INPP5F: variants seen among roughly 807,000 people sequenced by gnomAD.
INPP5F encodes inositol polyphosphate-5-phosphatase F.
A neutral mutation model predicts 137.2 loss-of-function variants in INPP5F; 97 were observed. The ratio of observed to expected loss-of-function variants is 0.71; its 90% confidence interval spans 0.60 to 0.84. INPP5F has a LOEUF of 0.84. INPP5F is among the 40% of genes least tolerant of loss of function. The probability of loss-of-function intolerance (pLI) is 0.00; values close to 1 mark genes in which losing one functional copy is unlikely to be tolerated. For missense variants in INPP5F, 1,271 were observed against 1,371.9 expected, an observed-to-expected ratio of 0.93 and a Z score of 1.16; for synonymous variants, 504 against 476.9, an observed-to-expected ratio of 1.06 and a Z score of -0.74.
chr10:119,824,052 A>T (rs1851669528), intron 19 of INPP5F, 150 bp downstream of exon 19: 1 of 590,542 alleles, frequency 1.7e-6, no homozygotes, highest in Non-Finnish European at 3.0e-6. Flanking sequence ...GCAGATCAAA[A>T]TACTTTCAAC....
At position 119,751,078 on chromosome 10, in the gene INPP5F, A is replaced by G. The variant is rs771641938; in HGVS notation, c.100A>G (p.Thr34Ala). 13 of 1,593,892 alleles carry G rather than the reference A, an allele frequency of 8.2e-6. No individual in the cohort carries two copies. Among genetic ancestry groups the G allele is most frequent in the Middle Eastern group, 1.7e-4 (1 of 6,046 alleles). Residue 34 changes from threonine to alanine, a missense_variant and splice_region_variant, in exon 2 of 20, where the codon ACT becomes GCT. Coordinates refer to ENST00000650623, the MANE Select transcript of INPP5F (RefSeq NM_014937.4). ...RDGGLQLRPA[T>A]DLLLAWNPIC... ...CACTGCTTCCTATTTTATTTTAGCT[A>G]CTGATCTACTTCTTGCCTGGAATCC... is the stretch of plus-strand genomic sequence containing the variant.
Position 119,828,714 on chromosome 10 carries a change from G to A in INPP5F, c.*934G>A, listed in dbSNP as rs1339978398. 6.6e-6 allele frequency: 1 copy of A among 152,288 alleles called. No individual in the cohort carries two copies. The highest frequency in any genetic ancestry group is 1.5e-5 in the Non-Finnish European group (1 of 68,146). 9.4% of individuals were successfully genotyped at this position (152,288 alleles called of 1,614,324 possible). ...TCTCTACAAAAAAATACAAAAATTAGCTGGGCATAGTGGTGCATGCCTGTG... is the reference window on the plus strand; with the variant it reads ...TCTCTACAAAAAAATACAAAAATTAACTGGGCATAGTGGTGCATGCCTGTG... On this transcript the variant is annotated 3_prime_UTR_variant, in exon 20 of 20. Coordinates refer to ENST00000650623, the MANE Select transcript of INPP5F (RefSeq NM_014937.4).
chr10:119,786,729 T>C (rs1691426863), intron 3 of INPP5F, among the ~76,000 whole-genome samples: 1 of 151,976 alleles, frequency 6.6e-6, no homozygotes, highest in Non-Finnish European at 1.5e-5. Context: ...ATATTACCCA[T>C]GCTGGTCTTG....
intron 19 of INPP5F, among the ~76,000 whole-genome samples, chr10:119,825,487 G>C (rs1851721116): frequency 6.6e-6 from 1 of 152,124 alleles, no homozygotes; most frequent in East Asian, 1.9e-4. Context: ...TTACGTAGGT[G>C]GTATTTTGCC....
rs530180838 is a variant in INPP5F, at chr10:119,753,901, G to T, written c.178+2745G>T. ...CAAAAACAAGAAAGAAATGGATGTT[G>T]TACAGGACCCAGGATTACTTTATTG... On this transcript the variant is annotated intron_variant, in intron 2 of 19. Coordinates refer to ENST00000650623, the MANE Select transcript of INPP5F (RefSeq NM_014937.4). Among the ~76,000 whole-genome samples, 5 of 152,282 alleles carry T rather than the reference G, an allele frequency of 3.3e-5. 1 individual carries two copies. Among genetic ancestry groups the T allele is most frequent in the African/African-American group, 1.2e-4 (5 of 41,566 alleles).
intron 1 of INPP5F, among the ~76,000 whole-genome samples, chr10:119,731,385 T>C (rs1848060623): frequency 6.6e-6 from 1 of 151,922 alleles, no homozygotes; most frequent in Non-Finnish European, 1.5e-5. Flanking sequence ...TGTTTGTAGC[T>C]AGGCATGGTG....
chr10:119,726,335 G>C lies in INPP5F; in HGVS notation c.73G>C (p.Asp25His), dbSNP rs755394290. Residue 25 changes from aspartate (D) to histidine (H), a missense_variant, in exon 1 of 20, where the codon GAC (aspartate) becomes CAC (histidine). Transcript: ENST00000650623. ...GCGCGCGCTGTGGTGCAGCCGCCGC[G>C]ACGGCGGCCTCCAGCTCCGACCCGG... ...GERALWCSRR[D>H]GGLQLRPATD... The C allele has an allele frequency of 2.0e-6, 3 of 1,466,478 alleles. No homozygotes were observed. Among genetic ancestry groups the C allele is most frequent in the Admixed American group, 2.3e-5 (1 of 43,588 alleles). The allele number at this position is 1,466,478 out of a possible 1,614,324, so 90.8% of individuals were successfully genotyped here.
chr10:119,799,870 A>G (rs913852368), intron 9 of INPP5F, among the ~76,000 whole-genome samples: 1 of 152,074 alleles, frequency 6.6e-6, no homozygotes. Context: ...AGCACTAACT[A>G]TTGTCTTCCC....
At chr10:119,814,387 AAAATAAATAAAT>A (rs532592746) in intron 15 of INPP5F, 2 of 151,934 alleles carry the variant, frequency 1.3e-5, no homozygotes, top group African/African-American at 2.4e-5. Context: ...GCTCCATCTC[AAAATAAATAAAT>A]AAATAAATAA....
chr10:119,819,730 A>C, intron 15 of INPP5F: 1 of 409,516 alleles, frequency 2.4e-6, no homozygotes, highest in Middle Eastern at 3.5e-4. Flanking sequence ...TTGATATATT[A>C]TTGTACGTGC....
At chr10:119,814,897 GCT>G (rs1182195386) in intron 15 of INPP5F, among the ~76,000 whole-genome samples, 6 of 151,756 alleles carry the variant, frequency 4.0e-5, no homozygotes, top group African/African-American at 1.5e-4. Context: ...ACAGCGTCTC[GCT>G]CTGTCGCCCA....
At chr10:119,792,828 C>T (rs1443237373) in intron 6 of INPP5F, among the ~76,000 whole-genome samples, 2 of 152,108 alleles carry the variant, frequency 1.3e-5, no homozygotes, top group African/African-American at 2.4e-5. Flanking sequence ...TGTTATGTGC[C>T]ACTTGTCTTT....
At chr10:119,798,669 T>C (rs1161820712) in intron 9 of INPP5F, 59 bp downstream of exon 9, 2 of 1,199,166 alleles carry the variant, frequency 1.7e-6, no homozygotes, top group South Asian at 1.3e-5. Flanking sequence ...ACTTTTTCTT[T>C]AAGTTTCATA....
At chr10:119,771,869 TATATATATATA>T (rs1564819799) in intron 2 of INPP5F, among the ~76,000 whole-genome samples, 9 of 15,502 alleles carry the variant, frequency 5.8e-4, no homozygotes, top group East Asian at 8.9e-4. Flanking sequence ...TATATATATA[TATATATATATA>T]TATTTTTTTT....
chr10:119,733,451 C>T (rs1234783642), intron 1 of INPP5F, among the ~76,000 whole-genome samples: 1 of 152,172 alleles, frequency 6.6e-6, no homozygotes, highest in African/African-American at 2.4e-5. Flanking sequence ...GACATGTGTA[C>T]TCATTGGGAA....
chr10:119,808,731 G>A (rs919075060), intron 13 of INPP5F, among the ~76,000 whole-genome samples: 3 of 152,156 alleles, frequency 2.0e-5, no homozygotes, highest in Non-Finnish European at 2.9e-5. Flanking sequence ...GTCTGAGGGC[G>A]TTGTCCTCTG....
At chr10:119,791,309 C>G (rs1231777957) in intron 3 of INPP5F, among the ~76,000 whole-genome samples, 1 of 152,146 alleles carries the variant, frequency 6.6e-6, no homozygotes, top group African/African-American at 2.4e-5. Flanking sequence ...ATATCCTGCC[C>G]TGTATTCTTT....
chr10:119,801,213 G>A (rs1377690625), intron 9 of INPP5F, among the ~76,000 whole-genome samples: 1 of 152,172 alleles, frequency 6.6e-6, no homozygotes, highest in Non-Finnish European at 1.5e-5. Flanking sequence ...GTACTAATGG[G>A]AAGATCTTAA....
At chr10:119,733,850 C>T (rs73354000) in intron 1 of INPP5F, among the ~76,000 whole-genome samples, 2,283 of 152,214 alleles carry the variant, frequency 0.015, 51 homozygotes, top group African/African-American at 0.052. Context: ...ACCCCTGGCA[C>T]GGAGAAAGAG....
Sources: gnomAD v4.1 joint callset for allele counts (sites outside exome capture counted in the v4.1 genomes callset) on GRCh38, gnomAD v4.1.1 for gene constraint, MANE v1.5 for transcripts, NCBI Gene and HGNC (gene_info 2026-07-23, HGNC 2026-07-21) for gene names.